Variants in WNT9B observed in about 807,000 individuals in gnomAD.
WNT9B encodes Wnt family member 9B.
A neutral mutation model predicts 30.2 loss-of-function variants in WNT9B; 12 were observed. The ratio of observed to expected loss-of-function variants is 0.40; its 90% CI spans 0.26 to 0.64. The LOEUF (loss-of-function observed/expected upper bound fraction) is 0.64. Among genes scored for constraint, WNT9B ranks in the 30% least tolerant of loss-of-function variants. The pLI, the probability that WNT9B is intolerant of heterozygous loss-of-function variation, is 0.42. For synonymous variants in WNT9B, 218 were observed against 216.9 expected (o/e 1.01, Z -0.05); for missense variants, 442 against 485.2 (o/e 0.91, Z 0.84).
At chr17:46,861,770 A>G (rs967896114) in intron 1 of WNT9B, among the ~76,000 whole-genome samples, 2 of 152,248 alleles carry the variant, frequency 1.3e-5, no homozygotes, top group African/African-American at 4.8e-5. Flanking sequence ...GGAAACTTCC[A>G]AGAGGCTGGT....
rs373760854 is a variant in WNT9B, at chr17:46,861,379, C to T, written c.77+9664C>T. On this transcript the variant is annotated intron_variant, in intron 1 of 3. Transcript: ENST00000290015. The stretch of plus-strand genomic sequence containing the variant: ...CTGCAGTGAATATCTTGGTGGGCAG[C>T]GTCCTCTCCCTTTCACTGGCCCTTC... Among the ~76,000 whole-genome samples the T allele has an allele frequency of 2.1e-4, 32 of 152,294 alleles. No homozygotes were observed. In the East Asian group the frequency reaches 5.8e-3, roughly 28 times the overall value.
chr17:46,862,916 A>G (rs144261957), intron 1 of WNT9B, among the ~76,000 whole-genome samples: 16 of 152,310 alleles, frequency 1.1e-4, no homozygotes, highest in Non-Finnish European at 1.8e-4. Flanking sequence ...GACTCAGGCC[A>G]GTTGCTTGGC....
At chr17:46,836,228 G>A (rs1175838863) in intron 1 of WNT9B, among the ~76,000 whole-genome samples, 1 of 151,810 alleles carries the variant, frequency 6.6e-6, no homozygotes, top group Non-Finnish European at 1.5e-5. Context: ...TTCCAAGGAA[G>A]CAGCCAAAAG....
chr17:46,851,728 C>T lies in WNT9B; in HGVS notation c.77+13C>T. The T allele has an allele frequency of 7.9e-7, 1 of 1,263,588 alleles. No individual in the cohort carries two copies. The highest frequency in any genetic ancestry group is 1.0e-6 in the Non-Finnish European group (1 of 1,003,500). The allele number at this position is 1,263,588 out of a possible 1,614,324, so 78.3% of individuals were successfully genotyped here. A position where few individuals can be genotyped will look rare whatever the true frequency, so the allele number is the denominator to read the frequency against. ...CCTCCTACTTCGGGTCAGTGCCCGCCGCGCCCCCCGCCCGCTCCCCGGCCT... is the reference window on the plus strand; with the variant it reads ...CCTCCTACTTCGGGTCAGTGCCCGCTGCGCCCCCCGCCCGCTCCCCGGCCT... On this transcript the variant is annotated intron_variant, in intron 1 of 3. Coordinates refer to ENST00000290015, the MANE Select transcript of WNT9B (RefSeq NM_003396.3). The surrounding 1 kb of genome is among the most constrained non-coding windows in gnomAD (Gnocchi z 4.3).
intron 2 of WNT9B, 57 bp downstream of exon 2, chr17:46,872,830 G>A: frequency 2.0e-6 from 3 of 1,500,386 alleles, no homozygotes; most frequent in East Asian, 2.3e-5. Context: ...TCAGGGAGGA[G>A]GAGGCTGGGA....
At chr17:46,859,554 A>T (rs867985589) in intron 1 of WNT9B, among the ~76,000 whole-genome samples, 39 of 152,202 alleles carry the variant, frequency 2.6e-4, no homozygotes, top group Middle Eastern at 6.8e-3. Flanking sequence ...TTTAAAAAAA[A>T]TTTTTCCCCA....
At chr17:46,855,148 T>TC (rs1183390208) in intron 1 of WNT9B, among the ~76,000 whole-genome samples, 1 of 152,172 alleles carries the variant, frequency 6.6e-6, no homozygotes, top group Admixed American at 6.5e-5. Context: ...TCTGGGCCCT[T>TC]CAACCTACAG....
At chr17:46,850,474 A>G (rs900497956), upstream of WNT9B, among the ~76,000 whole-genome samples, 15 of 152,132 alleles carry the variant, frequency 9.9e-5, no homozygotes, top group Non-Finnish European at 2.2e-4. Flanking sequence ...TCAGCCCCCT[A>G]CCATGCTGGT....
At chr17:46,886,512 G>A (rs2085490702) in exon 5 of WNT9B, 1 of 152,172 alleles carries the variant, frequency 6.6e-6, no homozygotes, top group Admixed American at 6.5e-5. Flanking sequence ...AAATAGCTGA[G>A]TTTTGGGGCA....
At chr17:46,849,820 G>A (rs1026054707), upstream of WNT9B, among the ~76,000 whole-genome samples, 2 of 151,926 alleles carry the variant, frequency 1.3e-5, no homozygotes, top group African/African-American at 2.4e-5. Context: ...ACTGATATTA[G>A]GTGCCGGCAC....
At chr17:46,875,940 C>T (rs1468221875) in intron 3 of WNT9B, among the ~76,000 whole-genome samples, 1 of 152,060 alleles carries the variant, frequency 6.6e-6, no homozygotes, top group South Asian at 2.1e-4. Flanking sequence ...AGTTGTGAAC[C>T]GGGGCTGCTG....
intron 1 of WNT9B, among the ~76,000 whole-genome samples, chr17:46,871,473 A>C (rs1215483346): frequency 6.6e-6 from 1 of 152,088 alleles, no homozygotes; most frequent in Non-Finnish European, 1.5e-5. Context: ...TTGTTTCCTC[A>C]TCTGGACAAA....
rs554368313 is a variant in WNT9B at position 46,872,795 on chromosome 17, C to T, written c.334+22C>T. ...AGAGGTGGGGAGGAGGGCTAGGGGA[C>T]GGGGAGGGCTGGGGGAAGAAGCCTT... On this transcript the variant is annotated intron_variant, in intron 2 of 3. Coordinates refer to ENST00000290015, the MANE Select transcript of WNT9B (RefSeq NM_003396.3). 1.4e-4 allele frequency: 112 copies of T among 788,986 alleles called. 1 individual carries two copies. Among genetic ancestry groups the T allele is most frequent in the Middle Eastern group, 4.1e-4 (1 of 2,458 alleles). 48.9% of individuals were successfully genotyped at this position (788,986 alleles called of 1,614,324 possible). A position where few individuals can be genotyped will look rare whatever the true frequency, so the allele number is the denominator to read the frequency against.
intron 3 of WNT9B, 37 bp downstream of exon 3, chr17:46,875,403 C>T (rs370657970): frequency 2.4e-5 from 38 of 1,551,782 alleles, no homozygotes; most frequent in Middle Eastern, 3.4e-4. Context: ...TGCCTTCCCA[C>T]CAGGGTACAC....
At chr17:46,862,870 C>T (rs2085065423) in intron 1 of WNT9B, among the ~76,000 whole-genome samples, 1 of 152,222 alleles carries the variant, frequency 6.6e-6, no homozygotes, top group African/African-American at 2.4e-5. Flanking sequence ...AAGCGTGAGC[C>T]ACTGTGTACC....
intron 1 of WNT9B, among the ~76,000 whole-genome samples, chr17:46,839,957 T>TTTCTTTCTC (rs2084684539): frequency 7.0e-5 from 10 of 142,396 alleles, no homozygotes; most frequent in African/African-American, 2.6e-4. Context: ...TCTTTCTTTC[T>TTTCTTTCTC]TTCTTTCTTT....
intron 1 of WNT9B, among the ~76,000 whole-genome samples, chr17:46,843,157 TTAA>T (rs2084735610): frequency 6.6e-6 from 1 of 152,218 alleles, no homozygotes; most frequent in Admixed American, 6.5e-5. Flanking sequence ...AGGGTAGATA[TTAA>T]TATCGGAGCT....
chr17:46,836,795 A>C (rs1258645235), intron 1 of WNT9B, among the ~76,000 whole-genome samples: 1 of 152,208 alleles, frequency 6.6e-6, no homozygotes, highest in Non-Finnish European at 1.5e-5. Context: ...CTGTTGACAC[A>C]CAAGTATGCT....
chr17:46,850,527 T>C (rs866933548), upstream of WNT9B, among the ~76,000 whole-genome samples: 7 of 152,206 alleles, frequency 4.6e-5, no homozygotes, highest in African/African-American at 7.2e-5. Flanking sequence ...ATGTTCCCTA[T>C]GCATGGCTGA....
Sources: allele counts gnomAD v4.1 joint callset (sites outside exome capture counted in the v4.1 genomes callset), GRCh38; gene constraint gnomAD v4.1.1; non-coding constraint Gnocchi (gnomAD v3.1); transcripts MANE v1.5; gene names NCBI Gene and HGNC (gene_info 2026-07-23, HGNC 2026-07-21).